Variants in ZNF407 observed in about 807,000 individuals in gnomAD.
The protein encoded by ZNF407 is zinc finger protein 407.
In ZNF407, 17 loss-of-function variants were observed where a neutral mutation model predicts 131.2. The observed-to-expected ratio is 0.13, with a 90% CI of 0.09 to 0.19. The LOEUF is 0.19. ZNF407 is among the 10% of genes least tolerant of loss of function. ZNF407 has a pLI of 1.00. For synonymous variants in ZNF407, 1,156 were observed against 1,062.0 expected, an observed-to-expected ratio of 1.09 and a Z score of -1.72; for missense variants, 2,681 against 2,830.6, an observed-to-expected ratio of 0.95 and a Z score of 1.20.
At chr18:74,720,680 G>A (rs1968009867) in intron 3 of ZNF407, among the ~76,000 whole-genome samples, 1 of 152,042 alleles carries the variant, frequency 6.6e-6, no homozygotes, top group Non-Finnish European at 1.5e-5. Context: ...TTTTGTGTAG[G>A]GTTAGAGGTG....
Position 74,672,526 on chromosome 18 carries a change from CGTTTGTTCATTGGAGCACT to C in ZNF407, c.4802+31449_4802+31467del, listed in dbSNP as rs1265780855. ...ACTGTGTCTCTGTTCGTTGGAGCAC[CGTTTGTTCATTGGAGCACT>C]GTTTGTTCATTGGAGCACTGTTTGT... is the stretch of plus-strand genomic sequence containing the variant. On this transcript the variant is annotated intron_variant, in intron 3 of 8. Transcript: ENST00000299687. 3.4e-3 allele frequency among the ~76,000 whole-genome samples: 228 copies of C among 67,052 alleles called. 1 individual carries two copies. The highest frequency in any genetic ancestry group is 0.011 in the African/African-American group (213 of 19,858). 44.0% of individuals were successfully genotyped at this position (67,052 alleles called of 152,430 possible). A position where few individuals can be genotyped will look rare whatever the true frequency, so the allele number is the denominator to read the frequency against.
At chr18:74,854,503 A>C (rs1478387699) in intron 4 of ZNF407, among the ~76,000 whole-genome samples, 1 of 152,196 alleles carries the variant, frequency 6.6e-6, no homozygotes, top group African/African-American at 2.4e-5. Context: ...TTAGCTTATG[A>C]GGCCCTGTGA....
intron 8 of ZNF407, among the ~76,000 whole-genome samples, chr18:75,057,023 T>A (rs1973569539): frequency 6.6e-6 from 1 of 152,224 alleles, no homozygotes; most frequent in Admixed American, 6.5e-5. Context: ...AGAATTGCAA[T>A]GTCATGTGTG....
intron 1 of ZNF407, among the ~76,000 whole-genome samples, chr18:74,625,582 A>AT (rs1174414519): frequency 4.6e-5 from 7 of 152,158 alleles, no homozygotes; most frequent in Admixed American, 3.3e-4. Context: ...TCTGTTACAG[A>AT]TTTTTTAAAC....
intron 8 of ZNF407, among the ~76,000 whole-genome samples, chr18:74,961,227 A>G (rs1972340633): frequency 6.6e-6 from 1 of 152,140 alleles, no homozygotes; most frequent in Admixed American, 6.5e-5. Context: ...ATACTCCTTT[A>G]ATTCTCACAG....
intron 4 of ZNF407, among the ~76,000 whole-genome samples, chr18:74,837,060 G>T (rs1204940565): frequency 6.6e-6 from 1 of 151,982 alleles, no homozygotes; most frequent in African/African-American, 2.4e-5. Context: ...ATAAATAGTG[G>T]GACAAAAGAC....
chr18:74,659,497 A>G (rs1189858965), intron 3 of ZNF407, among the ~76,000 whole-genome samples: 1 of 152,184 alleles, frequency 6.6e-6, no homozygotes, highest in African/African-American at 2.4e-5. Flanking sequence ...GTTTGTTTAT[A>G]TAATTGAATG....
chr18:74,906,517 A>G (rs911543746), intron 7 of ZNF407, among the ~76,000 whole-genome samples: 8 of 152,228 alleles, frequency 5.3e-5, no homozygotes, highest in Admixed American at 3.3e-4. Flanking sequence ...TTATATGTAG[A>G]ACACTTAAAG....
chr18:75,028,817 A>G (rs950099107), intron 8 of ZNF407, among the ~76,000 whole-genome samples: 2 of 152,104 alleles, frequency 1.3e-5, no homozygotes, highest in African/African-American at 4.8e-5. Context: ...GTCCCATCCT[A>G]TCTTTTACAT....
chr18:74,920,367 A>T, intron 7 of ZNF407, 147 bp from the exon 8 acceptor site: 1 of 568,816 alleles, frequency 1.8e-6, no homozygotes, highest in East Asian at 3.4e-5. Context: ...CATAAGGCTG[A>T]TGTATTATAT....
At chr18:75,032,276 G>A (rs148760736) in intron 8 of ZNF407, among the ~76,000 whole-genome samples, 30 of 152,288 alleles carry the variant, frequency 2.0e-4, no homozygotes, top group Non-Finnish European at 3.5e-4. Context: ...AGATAACACA[G>A]TTGCTTCCCA....
At chr18:74,777,853 A>C (rs546927465) in intron 3 of ZNF407, among the ~76,000 whole-genome samples, 46 of 152,068 alleles carry the variant, frequency 3.0e-4, no homozygotes, top group Non-Finnish European at 2.9e-5. Flanking sequence ...ACTTCTAGGC[A>C]GGAGGATTCC....
intron 3 of ZNF407, among the ~76,000 whole-genome samples, chr18:74,660,023 A>G (rs1985644801): frequency 6.6e-6 from 1 of 152,168 alleles, no homozygotes; most frequent in Non-Finnish European, 1.5e-5. Flanking sequence ...AACTTTCTGC[A>G]TATTTGAATT....
At chr18:74,784,330 T>A (rs1438141260) in intron 4 of ZNF407, among the ~76,000 whole-genome samples, 1 of 152,246 alleles carries the variant, frequency 6.6e-6, no homozygotes, top group Non-Finnish European at 1.5e-5. Flanking sequence ...GACAATTAAA[T>A]TAATAATGCA....
At chr18:74,855,865 T>C (rs1459957560) in intron 4 of ZNF407, among the ~76,000 whole-genome samples, 1 of 152,194 alleles carries the variant, frequency 6.6e-6, no homozygotes, top group Admixed American at 6.5e-5. Flanking sequence ...TTGGAAGTTA[T>C]ACTTTACATT....
chr18:74,921,036 TA>T, intron 8 of ZNF407: 1 of 976,384 alleles, frequency 1.0e-6, no homozygotes, highest in Non-Finnish European at 1.2e-6. Flanking sequence ...TTTTTTTTCT[TA>T]AAAAATGCTT....
chr18:74,970,816 G>A (rs1465509139), intron 8 of ZNF407, among the ~76,000 whole-genome samples: 1 of 152,230 alleles, frequency 6.6e-6, no homozygotes, highest in Non-Finnish European at 1.5e-5. Flanking sequence ...TGGTGCCCCA[G>A]TGGGGACTCC....
chr18:74,626,626 G>A (rs918403896), intron 1 of ZNF407, among the ~76,000 whole-genome samples: 4 of 152,116 alleles, frequency 2.6e-5, no homozygotes, highest in Non-Finnish European at 5.9e-5. Context: ...TCTTGTAATA[G>A]CAACAAAAGG....
intron 3 of ZNF407, among the ~76,000 whole-genome samples, chr18:74,730,314 A>G (rs1386997900): frequency 6.6e-6 from 1 of 152,170 alleles, no homozygotes; most frequent in Admixed American, 6.5e-5. Flanking sequence ...TAAAACATAG[A>G]TTCTGTTACA....
Sources: allele counts gnomAD v4.1 joint callset (sites outside exome capture counted in the v4.1 genomes callset), GRCh38; gene constraint gnomAD v4.1.1; transcripts MANE v1.5; gene names NCBI Gene and HGNC (gene_info 2026-07-23, HGNC 2026-07-21).